Variants in ZBTB18 observed in about 807,000 individuals in gnomAD.
ZBTB18 encodes zinc finger and BTB domain containing 18.
ZBTB18 carries 2 observed loss-of-function variants against 37.7 expected under a neutral mutation model. The ratio of observed to expected loss-of-function variants is 0.05; its 90% CI spans 0.02 to 0.17. The LOEUF (loss-of-function observed/expected upper bound fraction) is 0.17, where lower values mean the gene tolerates loss of function less well. Ranked by LOEUF, ZBTB18 falls within the 10% of genes least tolerant of loss-of-function variation. The pLI, the probability that ZBTB18 is intolerant of heterozygous loss-of-function variation, is 1.00. For synonymous variants in ZBTB18, 304 were observed against 276.5 expected, an observed-to-expected ratio of 1.10 and a Z score of -0.99; for missense variants, 408 against 686.3, an observed-to-expected ratio of 0.59 and a Z score of 4.53.
rs1157213831 is a variant in ZBTB18 at position 244,057,028 on chromosome 1, T to C, written c.*1658T>C. ...ATACTGAATGGAAAACTCCATTGTG[T>C]GTTGCTGGACTGTTTTGGAAATATT... On this transcript the variant is annotated 3_prime_UTR_variant, in exon 2 of 2. Coordinates refer to ENST00000358704, the MANE Select transcript of ZBTB18 (RefSeq NM_205768.3). 1 of 166,956 alleles carries C rather than the reference T, an allele frequency of 6.0e-6. No homozygotes were observed. Among genetic ancestry groups the C allele is most frequent in the African/African-American group, 2.4e-5 (1 of 41,392 alleles). The allele number at this position is 166,956 out of a possible 1,614,324, so 10.3% of individuals were successfully genotyped here. A position where few individuals can be genotyped will look rare whatever the true frequency, so the allele number is the denominator to read the frequency against.
chr1:244,053,679 G>A lies in ZBTB18; in HGVS notation c.14-109G>A, dbSNP rs1698396286. ...GGGTCATAAGCCTGATTAAAATTCAGGGACATGTACCACGGCGGCCAAAGC... is the reference window on the plus strand; with the variant it reads ...GGGTCATAAGCCTGATTAAAATTCAAGGACATGTACCACGGCGGCCAAAGC... On this transcript the variant is annotated intron_variant, in intron 1 of 1. Coordinates refer to ENST00000358704, the MANE Select transcript of ZBTB18 (RefSeq NM_205768.3). The surrounding 1 kb of genome is among the most constrained non-coding windows in gnomAD (Gnocchi z 5.2). 1.4e-6 allele frequency: 2 copies of A among 1,474,220 alleles called. No individual in the cohort carries two copies. The highest frequency in any genetic ancestry group is 2.8e-5 in the South Asian group (2 of 70,688). The allele number at this position is 1,474,220 out of a possible 1,614,324, so 91.3% of individuals were successfully genotyped here. A position where few individuals can be genotyped will look rare whatever the true frequency, so the allele number is the denominator to read the frequency against.
chr1:244,053,420 A>G lies in ZBTB18; in HGVS notation c.14-368A>G, dbSNP rs1285209041. Among the ~76,000 whole-genome samples the G allele has an allele frequency of 1.3e-5, 2 of 152,132 alleles. No homozygotes were observed. Reference sequence around the variant, plus strand: ...AGTTGTTCCCTTTGAAATTAAAGCTATTTTGTAGGTTTTGTGGGACATAAT... The same window carrying G: ...AGTTGTTCCCTTTGAAATTAAAGCTGTTTTGTAGGTTTTGTGGGACATAAT... On this transcript the variant is annotated intron_variant, in intron 1 of 1. Coordinates refer to ENST00000358704, the MANE Select transcript of ZBTB18 (RefSeq NM_205768.3). The surrounding 1 kb of genome is among the most constrained non-coding windows in gnomAD (Gnocchi z 5.2).
upstream of ZBTB18, among the ~76,000 whole-genome samples, chr1:244,049,273 C>T (rs1698300369): frequency 6.9e-6 from 1 of 145,084 alleles, no homozygotes; most frequent in African/African-American, 2.5e-5. Flanking sequence ...CCGCGCCGCG[C>T]CCCCGCGGGC....
chr1:244,054,312 C>A lies in ZBTB18; in HGVS notation c.538C>A (p.Pro180Thr). ...EGEDEKLNILPSKRDLAAEPG... is the reference protein window; with the variant it reads ...EGEDEKLNILTSKRDLAAEPG... ...AGAAGATGAAAAATTGAACATCCTGCCCAGCAAAAGGGACTTGGCGGCCGA... is the reference window on the plus strand; with the variant it reads ...AGAAGATGAAAAATTGAACATCCTGACCAGCAAAAGGGACTTGGCGGCCGA... Residue 180 changes from proline (P) to threonine (T), a missense_variant, in exon 2 of 2, where the codon CCC (proline) becomes ACC (threonine). Transcript: ENST00000358704. The surrounding 1 kb of genome is among the most constrained non-coding windows in gnomAD (Gnocchi z 9.0). 1 of 1,614,170 alleles carries A rather than the reference C, an allele frequency of 6.2e-7. No individual in the cohort carries two copies. Among genetic ancestry groups the A allele is most frequent in the Non-Finnish European group, 8.5e-7 (1 of 1,180,036 alleles).
chr1:244,049,978 A>G (rs906417210), upstream of ZBTB18, among the ~76,000 whole-genome samples: 3 of 152,040 alleles, frequency 2.0e-5, no homozygotes, highest in Non-Finnish European at 2.9e-5. Context: ...ATTTGTGGAG[A>G]ATAGGTGGTG....
upstream of ZBTB18, among the ~76,000 whole-genome samples, chr1:244,048,776 G>A (rs1289446807): frequency 2.1e-5 from 3 of 146,142 alleles, no homozygotes; most frequent in African/African-American, 7.5e-5. Context: ...TCGCTCCGCC[G>A]CGCTCCTCCG....
chr1:244,049,174 C>A (rs1698298116), upstream of ZBTB18, among the ~76,000 whole-genome samples: 2 of 124,974 alleles, frequency 1.6e-5, no homozygotes, highest in African/African-American at 5.8e-5. Flanking sequence ...GCTGTTGGGG[C>A]GGCGGGGGGC....
At position 244,053,500 on chromosome 1, in the gene ZBTB18, TAGTG is replaced by T. The variant is rs1180782763; in HGVS notation, c.14-285_14-282del. ...TGGAAGAGATCTAAATTCTTATTCTTAGTGAGAGACTGTAGTTAAAGGAAGGCTT... is the reference window on the plus strand; with the variant it reads ...TGGAAGAGATCTAAATTCTTATTCTTAGAGACTGTAGTTAAAGGAAGGCTT... On this transcript the variant is annotated intron_variant, in intron 1 of 1. Transcript: ENST00000358704. This position sits in a 1 kb window ranked among gnomAD's most constrained non-coding sequence, Gnocchi z 5.2. 2.7e-5 allele frequency among the ~76,000 whole-genome samples: 4 copies of T among 150,200 alleles called. No homozygotes were observed. The highest frequency in any genetic ancestry group is 6.6e-5 in the Admixed American group (1 of 15,108).
At position 244,054,566 on chromosome 1, in the gene ZBTB18, C is replaced by G; in HGVS notation, c.792C>G (p.Asn264Lys). 1 of 1,614,250 alleles carries G rather than the reference C, an allele frequency of 6.2e-7. No homozygotes were observed. The highest frequency in any genetic ancestry group is 8.5e-7 in the Non-Finnish European group (1 of 1,180,048). ...GCCTTTCAGGAGTTGAAAATCTGAACAGCTCTTATTTCTCTTCACAGGACG... is the reference window on the plus strand; with the variant it reads ...GCCTTTCAGGAGTTGAAAATCTGAAGAGCTCTTATTTCTCTTCACAGGACG... ...KSSLSGVENL[N>K]SSYFSSQDVL... is the part of the protein sequence containing the mutation. Residue 264 changes from asparagine (N) to lysine (K), a missense_variant, in exon 2 of 2, where the codon AAC (asparagine) becomes AAG (lysine). Physicochemically the swap from Asn to Lys is moderately conservative, Grantham distance 94 (BLOSUM62 0). Coordinates refer to ENST00000358704, the MANE Select transcript of ZBTB18 (RefSeq NM_205768.3). The surrounding 1 kb of genome is among the most constrained non-coding windows in gnomAD (Gnocchi z 9.0).
chr1:244,048,681 C>T (rs1418012045), upstream of ZBTB18, among the ~76,000 whole-genome samples: 7 of 145,016 alleles, frequency 4.8e-5, no homozygotes, highest in Non-Finnish European at 1.1e-4. Flanking sequence ...GCGCTCGCTC[C>T]CTCGCTCGCT....
chr1:244,054,982 G>C lies in ZBTB18; in HGVS notation c.1208G>C (p.Arg403Pro). 6.2e-7 allele frequency: 1 copy of C among 1,614,070 alleles called. No homozygotes were observed. The highest frequency in any genetic ancestry group is 8.5e-7 in the Non-Finnish European group (1 of 1,180,036). The change falls in exon 2 of 2, where the codon CGC (arginine) becomes CCC (proline). Residue 403 changes from arginine (R) to proline (P), a missense_variant. By Grantham distance (103) the Arg-to-Pro change is moderately radical (BLOSUM62 -2). Transcript: ENST00000358704. This position sits in a 1 kb window ranked among gnomAD's most constrained non-coding sequence, Gnocchi z 9.0. ...ILQIHLSTHF[R>P]EQDGIRSKPA... Reference sequence around the variant, plus strand: ...CAGATCCACCTGAGCACGCACTTCCGCGAGCAGGACGGCATCCGCAGCAAG... The same window carrying C: ...CAGATCCACCTGAGCACGCACTTCCCCGAGCAGGACGGCATCCGCAGCAAG...
chr1:244,050,132 T>C (rs1413801673), upstream of ZBTB18, among the ~76,000 whole-genome samples: 3 of 152,190 alleles, frequency 2.0e-5, no homozygotes, highest in African/African-American at 7.2e-5. Context: ...GTTTTGTTAC[T>C]CTTTAACTCT....
At chr1:244,052,336 T>C (rs1483759271) in intron 1 of ZBTB18, among the ~76,000 whole-genome samples, 16 of 152,246 alleles carry the variant, frequency 1.1e-4, no homozygotes. Flanking sequence ...TGATGTTAGC[T>C]GTGGGGCACT....
At chr1:244,049,794 C>G (rs1296102130), upstream of ZBTB18, among the ~76,000 whole-genome samples, 2 of 152,090 alleles carry the variant, frequency 1.3e-5, no homozygotes, top group East Asian at 3.9e-4. Flanking sequence ...AACAAAACCC[C>G]AACCTCACAA....
At chr1:244,048,534 G>A (rs920994581), upstream of ZBTB18, among the ~76,000 whole-genome samples, 1 of 149,844 alleles carries the variant, frequency 6.7e-6, no homozygotes, top group Non-Finnish European at 1.5e-5. Flanking sequence ...GAAGGAGAGG[G>A]GCGGACTGAG....
chr1:244,049,196 G>A (rs1205952723), upstream of ZBTB18, among the ~76,000 whole-genome samples: 8 of 144,608 alleles, frequency 5.5e-5, no homozygotes, highest in African/African-American at 2.0e-4. Context: ...GCGCAGCTGC[G>A]GGAGGCCCGG....
At position 244,053,863 on chromosome 1, in the gene ZBTB18, G is replaced by A. The variant is rs1698399939; in HGVS notation, c.89G>A (p.Gly30Asp). 2 of 1,613,964 alleles carry A rather than the reference G, an allele frequency of 1.2e-6. No homozygotes were observed. The highest frequency in any genetic ancestry group is 1.7e-5 in the Admixed American group (1 of 59,990). Residue 30 changes from glycine (G) to aspartate (D), a missense_variant, in exon 2 of 2, where the codon GGT becomes GAT. By Grantham distance (94) the Gly-to-Asp change is moderately conservative (BLOSUM62 -1). Coordinates refer to ENST00000358704, the MANE Select transcript of ZBTB18 (RefSeq NM_205768.3). This position sits in a 1 kb window ranked among gnomAD's most constrained non-coding sequence, Gnocchi z 5.2. Reference protein sequence around the residue: ...LQCLSEQRHQGFLCDCTVLVG... With the variant: ...LQCLSEQRHQDFLCDCTVLVG... ...TGTCTGAGCGAGCAGAGACACCAGG[G>A]TTTTCTTTGTGACTGCACTGTTCTG... is the stretch of plus-strand genomic sequence containing the variant.
upstream of ZBTB18, chr1:244,049,065 G>A (rs1479756382): frequency 6.8e-6 from 1 of 146,370 alleles, no homozygotes. Context: ...GGCGGGCGGG[G>A]GGCGCCAGCT....
upstream of ZBTB18, among the ~76,000 whole-genome samples, chr1:244,048,635 CCCCG>C (rs1268803483): frequency 7.0e-5 from 10 of 141,922 alleles, no homozygotes; most frequent in Non-Finnish European, 1.3e-4. Context: ...CCCGCCCCCC[CCCCG>C]CCCCCGCCCC....
Sources: allele counts gnomAD v4.1 joint callset (sites outside exome capture counted in the v4.1 genomes callset), GRCh38; gene constraint gnomAD v4.1.1; non-coding constraint Gnocchi (gnomAD v3.1); transcripts MANE v1.5; gene names NCBI Gene and HGNC (gene_info 2026-07-23, HGNC 2026-07-21).